The following HCN1 variants were observed in gnomAD, a reference collection of about 807,000 sequenced individuals.
HCN1 encodes hyperpolarization activated cyclic nucleotide gated potassium channel 1.
Under a neutral mutation model 78.9 loss-of-function variants are expected in HCN1, and 13 were observed. That is an observed-to-expected ratio of 0.16 (90% CI 0.11 to 0.26). The LOEUF (loss-of-function observed/expected upper bound fraction) is 0.26, where lower values mean the gene tolerates loss of function less well. Ranked by LOEUF, HCN1 falls within the 10% of genes least tolerant of loss-of-function variation. HCN1 has a pLI of 1.00. For missense variants in HCN1, 810 were observed against 1,154.3 expected (o/e 0.70, Z 4.32); for synonymous variants, 552 against 455.5 (o/e 1.21, Z -2.70).
At chr5:45,317,200 T>C (rs1328743994) in intron 5 of HCN1, among the ~76,000 whole-genome samples, 2 of 152,130 alleles carry the variant, frequency 1.3e-5, no homozygotes, top group East Asian at 3.9e-4. Flanking sequence ...AACAGCATGA[T>C]ACTGGCACCA....
chr5:45,297,286 G>C (rs1197205553), intron 6 of HCN1, among the ~76,000 whole-genome samples: 1 of 152,078 alleles, frequency 6.6e-6, no homozygotes, highest in East Asian at 1.9e-4. Context: ...AATGCCTTTA[G>C]GCGGTTTCCA....
chr5:45,652,235 T>A, intron 1 of HCN1, among the ~76,000 whole-genome samples: 1 of 152,030 alleles, frequency 6.6e-6, no homozygotes, highest in East Asian at 1.9e-4. Flanking sequence ...CTTCTGTCAA[T>A]ATTAAAAATC....
intron 2 of HCN1, among the ~76,000 whole-genome samples, chr5:45,622,606 T>A (rs1238740676): frequency 1.3e-5 from 2 of 151,842 alleles, no homozygotes; most frequent in East Asian, 3.9e-4. Context: ...TGAGAAAGGA[T>A]GAGCTGCAAG....
At chr5:45,303,301 T>G (rs1745664129) in intron 6 of HCN1, among the ~76,000 whole-genome samples, 1 of 152,012 alleles carries the variant, frequency 6.6e-6, no homozygotes, top group African/African-American at 2.4e-5. Flanking sequence ...ACAAAACATG[T>G]TAGTGGATGG....
intron 2 of HCN1, among the ~76,000 whole-genome samples, chr5:45,478,901 A>C (rs1486244338): frequency 6.6e-6 from 1 of 152,158 alleles, no homozygotes; most frequent in African/African-American, 2.4e-5. Context: ...AGGCGGGCAG[A>C]TCATGAGGTC....
At chr5:45,672,366 A>G (rs765531933) in intron 1 of HCN1, among the ~76,000 whole-genome samples, 3 of 151,494 alleles carry the variant, frequency 2.0e-5, no homozygotes, top group Non-Finnish European at 3.0e-5. Flanking sequence ...AATGATAGTA[A>G]AAGCTTCTTT....
chr5:45,501,773 G>C (rs1742194378), intron 2 of HCN1, among the ~76,000 whole-genome samples: 1 of 152,046 alleles, frequency 6.6e-6, no homozygotes, highest in Non-Finnish European at 1.5e-5. Context: ...ATAGAGTTAT[G>C]ATATGCCCCA....
At chr5:45,306,193 G>A (rs1173911534) in intron 5 of HCN1, among the ~76,000 whole-genome samples, 1 of 152,078 alleles carries the variant, frequency 6.6e-6, no homozygotes, top group Non-Finnish European at 1.5e-5. Context: ...AAGTCAGATT[G>A]TAGAGAAAAT....
At chr5:45,474,202 C>T (rs912146475) in intron 2 of HCN1, among the ~76,000 whole-genome samples, 1 of 151,762 alleles carries the variant, frequency 6.6e-6, no homozygotes, top group Non-Finnish European at 1.5e-5. Context: ...AATTCTAAAA[C>T]CCACAATCAA....
intron 1 of HCN1, among the ~76,000 whole-genome samples, chr5:45,650,077 C>T (rs1745648318): frequency 6.6e-6 from 1 of 151,980 alleles, no homozygotes; most frequent in African/African-American, 2.4e-5. Context: ...CATCCTGCCC[C>T]AGAGAAAAAG....
At chr5:45,475,339 C>T (rs1425489947) in intron 2 of HCN1, among the ~76,000 whole-genome samples, 2 of 152,002 alleles carry the variant, frequency 1.3e-5, no homozygotes, top group Non-Finnish European at 2.9e-5. Flanking sequence ...TATTATGACA[C>T]AGACTATTTT....
At chr5:45,364,618 T>C (rs1353397814) in intron 4 of HCN1, among the ~76,000 whole-genome samples, 3 of 152,154 alleles carry the variant, frequency 2.0e-5, no homozygotes, top group Admixed American at 2.0e-4. Flanking sequence ...TGGTTTTGGG[T>C]ACACTCATGT....
intron 1 of HCN1, among the ~76,000 whole-genome samples, chr5:45,675,674 A>T (rs552934149): frequency 6.7e-4 from 102 of 151,820 alleles, no homozygotes; most frequent in Non-Finnish European, 1.3e-3. Flanking sequence ...AAGTAAAGCT[A>T]ATATGATTTC....
At chr5:45,409,725 T>G (rs1447461849) in intron 3 of HCN1, among the ~76,000 whole-genome samples, 1 of 152,008 alleles carries the variant, frequency 6.6e-6, no homozygotes, top group African/African-American at 2.4e-5. Context: ...TATGGTAGAC[T>G]GACTTTTATC....
intron 5 of HCN1, among the ~76,000 whole-genome samples, chr5:45,346,951 A>G (rs1746731829): frequency 6.6e-6 from 1 of 152,194 alleles, no homozygotes; most frequent in Non-Finnish European, 1.5e-5. Context: ...CAGACAAACA[A>G]AAAGACAGCA....
At chr5:45,623,624 C>A (rs765789324) in intron 2 of HCN1, among the ~76,000 whole-genome samples, 49 of 152,252 alleles carry the variant, frequency 3.2e-4, no homozygotes, top group Non-Finnish European at 5.0e-4. Context: ...TATTATAATT[C>A]AAAAGTGTGA....
At chr5:45,384,881 G>A (rs958704944) in intron 4 of HCN1, among the ~76,000 whole-genome samples, 4 of 152,000 alleles carry the variant, frequency 2.6e-5, no homozygotes, top group African/African-American at 4.8e-5. Context: ...TAATCTCTTT[G>A]GATCTCAGTT....
intron 1 of HCN1, among the ~76,000 whole-genome samples, chr5:45,668,493 C>T (rs2112071820): frequency 6.6e-6 from 1 of 151,960 alleles, no homozygotes; most frequent in South Asian, 2.1e-4. Context: ...AATTGTGAGT[C>T]AATTAAATTT....
In HCN1 at chr5:45,696,123, G is replaced by A; in HGVS notation, c.-30C>T. ...GGAGGACGCGGCCGGCGACGGCGCGGGCTCCAGACTCGCCGGCCGCCCGGC... is the reference window on the plus strand; with the variant it reads ...GGAGGACGCGGCCGGCGACGGCGCGAGCTCCAGACTCGCCGGCCGCCCGGC... On this transcript the variant is annotated 5_prime_UTR_variant, in exon 1 of 8. Coordinates refer to ENST00000303230, the MANE Select transcript of HCN1 (RefSeq NM_021072.4). The A allele has an allele frequency of 1.5e-6, 2 of 1,305,730 alleles. No homozygotes were observed. The highest frequency in any genetic ancestry group is 4.2e-5 in the East Asian group (1 of 23,974). The allele number at this position is 1,305,730 out of a possible 1,614,324, so 80.9% of individuals were successfully genotyped here.
Sources: gnomAD v4.1 joint callset for allele counts (sites outside exome capture counted in the v4.1 genomes callset) on GRCh38, gnomAD v4.1.1 for gene constraint, MANE v1.5 for transcripts, NCBI Gene and HGNC (gene_info 2026-07-23, HGNC 2026-07-21) for gene names.